Variants in SPATA16 observed in about 807,000 individuals in gnomAD.
The protein encoded by SPATA16 is spermatogenesis associated 16.
A neutral mutation model predicts 63.3 loss-of-function variants in SPATA16; 36 were observed. That is an observed-to-expected ratio of 0.57 (90% CI 0.44 to 0.75). The LOEUF (loss-of-function observed/expected upper bound fraction) is 0.75. Among genes scored for constraint, SPATA16 ranks in the 30% least tolerant of loss-of-function variants. The pLI is 0.00. For synonymous variants in SPATA16, 203 were observed against 216.7 expected (o/e 0.94, Z 0.56); for missense variants, 646 against 679.3 (o/e 0.95, Z 0.54).
intron 5 of SPATA16, among the ~76,000 whole-genome samples, chr3:172,969,473 C>A (rs962239345): frequency 5.3e-5 from 8 of 152,126 alleles, no homozygotes; most frequent in Non-Finnish European, 1.5e-5. Context: ...TGGGGTTGTG[C>A]ATCAGAATCA....
At chr3:173,084,118 G>T (rs1736990969) in intron 2 of SPATA16, among the ~76,000 whole-genome samples, 1 of 152,138 alleles carries the variant, frequency 6.6e-6, no homozygotes. Context: ...TACTATGGCT[G>T]AACTAATTTA....
intron 3 of SPATA16, among the ~76,000 whole-genome samples, chr3:173,040,467 G>T (rs1355539161): frequency 2.0e-5 from 3 of 152,074 alleles, no homozygotes; most frequent in Non-Finnish European, 4.4e-5. Context: ...GTTGTGTTGT[G>T]TCAATATTGT....
intron 2 of SPATA16, among the ~76,000 whole-genome samples, chr3:173,115,980 C>G (rs1737889397): frequency 6.6e-6 from 1 of 151,772 alleles, no homozygotes; most frequent in South Asian, 2.1e-4. Context: ...GCACTCTCGA[C>G]CTCTTGGGCT....
chr3:172,947,307 C>G (rs1733314915), intron 6 of SPATA16, among the ~76,000 whole-genome samples: 1 of 141,590 alleles, frequency 7.1e-6, no homozygotes, highest in Non-Finnish European at 1.6e-5. Flanking sequence ...CAAATAAACT[C>G]TTTATGCCCA....
At chr3:172,960,339 T>C (rs1407763961) in intron 5 of SPATA16, among the ~76,000 whole-genome samples, 4 of 152,224 alleles carry the variant, frequency 2.6e-5, no homozygotes, top group Non-Finnish European at 5.9e-5. Flanking sequence ...AATCAGTCCT[T>C]GTGCCCTGTT....
At chr3:173,109,697 A>G (rs1425107652) in intron 2 of SPATA16, among the ~76,000 whole-genome samples, 2 of 152,220 alleles carry the variant, frequency 1.3e-5, no homozygotes, top group African/African-American at 4.8e-5. Context: ...AATCTTTTAA[A>G]ATATAAACAA....
At chr3:173,091,902 G>T (rs1737232989) in intron 2 of SPATA16, among the ~76,000 whole-genome samples, 1 of 152,202 alleles carries the variant, frequency 6.6e-6, no homozygotes, top group Non-Finnish European at 1.5e-5. Context: ...ACCACCCTTT[G>T]TTCTAGATTA....
chr3:173,123,457 G>T (rs528647998), intron 1 of SPATA16, among the ~76,000 whole-genome samples: 1 of 148,952 alleles, frequency 6.7e-6, no homozygotes, highest in Non-Finnish European at 1.5e-5. Flanking sequence ...TACTTTAAAA[G>T]TTTTTTTTTT....
Position 172,935,418 on chromosome 3 carries a change from C to T in SPATA16, c.1082-9926G>A, listed in dbSNP as rs371967894. ...GATAAAATATGCAGTATATTGTAAA[C>T]AATGGTTTGATCCATAATAGAAAAA... On this transcript the variant is annotated intron_variant, in intron 6 of 10. Transcript: ENST00000351008. 6.2e-4 allele frequency among the ~76,000 whole-genome samples: 95 copies of T among 152,214 alleles called. 1 individual carries two copies. Among genetic ancestry groups the T allele is most frequent in the African/African-American group, 2.2e-3 (91 of 41,528 alleles).
chr3:173,119,674 C>A (rs574715663), intron 1 of SPATA16, among the ~76,000 whole-genome samples: 1 of 152,144 alleles, frequency 6.6e-6, no homozygotes, highest in Non-Finnish European at 1.5e-5. Context: ...TTTTAACCAG[C>A]CTGTGTTGTG....
chr3:172,969,285 T>C (rs924656565), intron 5 of SPATA16, among the ~76,000 whole-genome samples: 1 of 152,104 alleles, frequency 6.6e-6, no homozygotes, highest in African/African-American at 2.4e-5. Flanking sequence ...AGTGGGAATA[T>C]GGAGGGGAGA....
chr3:173,098,117 T>A (rs1230165536), intron 2 of SPATA16, among the ~76,000 whole-genome samples: 8 of 151,538 alleles, frequency 5.3e-5, no homozygotes, highest in Non-Finnish European at 8.8e-5. Context: ...ATGGAATAAT[T>A]CCACCAATCC....
chr3:173,074,489 G>C (rs907422910), intron 2 of SPATA16, among the ~76,000 whole-genome samples: 9 of 152,102 alleles, frequency 5.9e-5, no homozygotes, highest in Non-Finnish European at 1.5e-5. Context: ...TTTATAATGG[G>C]AAATCACTTT....
At chr3:173,134,095 G>A (rs907171714) in intron 1 of SPATA16, among the ~76,000 whole-genome samples, 7 of 152,184 alleles carry the variant, frequency 4.6e-5, no homozygotes, top group African/African-American at 1.7e-4. Context: ...ATAGTAAGGA[G>A]GCAGCATGGC....
At chr3:173,084,632 T>A (rs963723201) in intron 2 of SPATA16, among the ~76,000 whole-genome samples, 5 of 152,182 alleles carry the variant, frequency 3.3e-5, no homozygotes, top group Non-Finnish European at 7.3e-5. Flanking sequence ...GATTTTCTAC[T>A]AGAGTTTTTA....
chr3:172,990,484 A>G (rs548813790), intron 4 of SPATA16, among the ~76,000 whole-genome samples: 9 of 152,276 alleles, frequency 5.9e-5, no homozygotes, highest in Admixed American at 2.6e-4. Context: ...AAACTAGTAC[A>G]TTTACTTGCT....
At chr3:173,033,687 G>C (rs1478272041) in intron 3 of SPATA16, among the ~76,000 whole-genome samples, 2 of 151,930 alleles carry the variant, frequency 1.3e-5, no homozygotes, top group East Asian at 3.9e-4. Context: ...GTGTTACTTG[G>C]GTGAGGTTTA....
In SPATA16 at chr3:173,117,735, T is replaced by A. The variant is rs745551391; in HGVS notation, c.-4A>T. The stretch of plus-strand genomic sequence containing the variant: ...TCCTACTGCTTCCTGCATCCATCGA[T>A]CCTGCCCAAAACTCCTGCAGGGGGG... On this transcript the variant is annotated 5_prime_UTR_variant, in exon 2 of 11. Transcript: ENST00000351008. 1.2e-6 allele frequency: 2 copies of A among 1,614,028 alleles called. No homozygotes were observed. The highest frequency in any genetic ancestry group is 1.7e-6 in the Non-Finnish European group (2 of 1,180,004).
intron 2 of SPATA16, among the ~76,000 whole-genome samples, chr3:173,076,944 CA>C (rs1736819592): frequency 6.6e-6 from 1 of 152,062 alleles, no homozygotes; most frequent in Non-Finnish European, 1.5e-5. Context: ...TTCTGAAGAG[CA>C]TGTGAATTGT....
Sources: gnomAD v4.1 joint callset for allele counts (sites outside exome capture counted in the v4.1 genomes callset) on GRCh38, gnomAD v4.1.1 for gene constraint, MANE v1.5 for transcripts, NCBI Gene and HGNC (gene_info 2026-07-23, HGNC 2026-07-21) for gene names.